Variants in SIPA1L1 observed in about 807,000 individuals in gnomAD.
The protein encoded by SIPA1L1 is signal induced proliferation associated 1 like 1.
Under a neutral mutation model 162.7 loss-of-function variants are expected in SIPA1L1, and 26 were observed. The observed-to-expected ratio is 0.16, with a 90% CI of 0.12 to 0.22. The LOEUF (loss-of-function observed/expected upper bound fraction) is 0.22. Among genes scored for constraint, SIPA1L1 ranks in the 10% least tolerant of loss-of-function variants. The probability of loss-of-function intolerance (pLI) is 1.00; values close to 1 mark genes in which losing one functional copy is unlikely to be tolerated. For synonymous variants in SIPA1L1, 829 were observed against 837.4 expected (o/e 0.99, Z 0.17); for missense variants, 1,874 against 2,241.0 (o/e 0.84, Z 3.31).
Position 71,513,647 on chromosome 14 carries a change from G to A in SIPA1L1, c.-362+802G>A, listed in dbSNP as rs977296928. On this transcript the variant is annotated intron_variant, in intron 3 of 23. Coordinates refer to ENST00000381232, the MANE Select transcript of SIPA1L1 (RefSeq NM_001386936.1). ...GCTGGGACTAAAGGCACGTGCCACC[G>A]TGCCTAGCTAATTTTTAAATTTTTC... 9.2e-5 allele frequency among the ~76,000 whole-genome samples: 14 copies of A among 151,962 alleles called. No homozygotes were observed. In the South Asian group the frequency reaches 2.3e-3, roughly 25 times the overall value.
At chr14:71,519,999 G>A (rs1289964240) in intron 3 of SIPA1L1, among the ~76,000 whole-genome samples, 1 of 152,116 alleles carries the variant, frequency 6.6e-6, no homozygotes, top group Non-Finnish European at 1.5e-5. Context: ...AATCTTAGCG[G>A]CTGAGGACAG....
At chr14:71,368,150 TTTTTTC>T (rs2038529057) in intron 2 of SIPA1L1, among the ~76,000 whole-genome samples, 2 of 149,526 alleles carry the variant, frequency 1.3e-5, no homozygotes, top group Non-Finnish European at 3.0e-5. Context: ...TTCTTTTTTT[TTTTTTC>T]TTTCTTTTTT....
intron 12 of SIPA1L1, among the ~76,000 whole-genome samples, chr14:71,678,018 T>C (rs2045388377): frequency 6.6e-6 from 1 of 152,212 alleles, no homozygotes; most frequent in Admixed American, 6.5e-5. Context: ...TGAAGTTGCT[T>C]ATCAGCTTAA....
At chr14:71,473,732 A>G (rs1323513812) in intron 2 of SIPA1L1, among the ~76,000 whole-genome samples, 1 of 152,184 alleles carries the variant, frequency 6.6e-6, no homozygotes, top group African/African-American at 2.4e-5. Flanking sequence ...CTGAGGAAGG[A>G]TTTGGGTGAT....
chr14:71,358,409 T>C (rs953547804), intron 2 of SIPA1L1, among the ~76,000 whole-genome samples: 6 of 152,224 alleles, frequency 3.9e-5, no homozygotes, highest in Non-Finnish European at 4.4e-5. Context: ...TACATAACTC[T>C]TTTGCTAAAG....
At chr14:71,696,277 C>T (rs890320679) in intron 13 of SIPA1L1, among the ~76,000 whole-genome samples, 7 of 152,198 alleles carry the variant, frequency 4.6e-5, no homozygotes, top group Admixed American at 1.3e-4. Context: ...CTTCTCACCA[C>T]ATTTCCCGAA....
At position 71,671,404 on chromosome 14, in the gene SIPA1L1, A is replaced by G. The variant is rs1320204942; in HGVS notation, c.2541A>G (p.Pro847=). Residue 847 remains proline, a synonymous_variant, in exon 11 of 24, where the codon CCA becomes CCG. Coordinates refer to ENST00000381232, the MANE Select transcript of SIPA1L1 (RefSeq NM_001386936.1). ...CCAAGAAGAAGGAAAAGTCTAAGCC[A>G]TATCCAGGAGCCGAGCTCAGCAGCA... The part of the protein sequence containing the change: ...LASKKKEKSK[P]YPGAELSSMG... 1.2e-6 allele frequency: 2 copies of G among 1,614,230 alleles called. No individual in the cohort carries two copies. Among genetic ancestry groups the G allele is most frequent in the South Asian group, 1.1e-5 (1 of 91,088 alleles).
At chr14:71,611,040 G>A (rs2038148524) in intron 5 of SIPA1L1, among the ~76,000 whole-genome samples, 1 of 152,172 alleles carries the variant, frequency 6.6e-6, no homozygotes, top group Non-Finnish European at 1.5e-5. Flanking sequence ...CCATTACTCT[G>A]ACCTGCTTTT....
intron 2 of SIPA1L1, among the ~76,000 whole-genome samples, chr14:71,425,344 A>G (rs181657957): frequency 9.8e-4 from 149 of 152,174 alleles, no homozygotes; most frequent in African/African-American, 3.4e-3. Context: ...TAATGTAAAC[A>G]TTTATAGCTG....
chr14:71,423,539 G>C (rs540320453), intron 2 of SIPA1L1, among the ~76,000 whole-genome samples: 3 of 152,118 alleles, frequency 2.0e-5, no homozygotes, highest in Non-Finnish European at 4.4e-5. Context: ...TGCATATGCA[G>C]TTTTCCCAGC....
intron 7 of SIPA1L1, among the ~76,000 whole-genome samples, chr14:71,647,192 A>G (rs571664746): frequency 6.6e-5 from 10 of 152,200 alleles, no homozygotes; most frequent in African/African-American, 2.4e-4. Context: ...AACCAGAGGA[A>G]ACTTGACATT....
chr14:71,690,299 A>G (rs1346004318), intron 13 of SIPA1L1, among the ~76,000 whole-genome samples: 2 of 151,530 alleles, frequency 1.3e-5, no homozygotes, highest in African/African-American at 4.9e-5. Context: ...TCGCAGTGGC[A>G]TTGATCTTAG....
At chr14:71,682,422 A>G (rs2045891155) in intron 12 of SIPA1L1, among the ~76,000 whole-genome samples, 1 of 152,242 alleles carries the variant, frequency 6.6e-6, no homozygotes, top group Admixed American at 6.5e-5. Flanking sequence ...AGAGTTAAGT[A>G]AGAGACCAGG....
chr14:71,453,886 C>T (rs754500982), intron 2 of SIPA1L1, among the ~76,000 whole-genome samples: 1 of 149,478 alleles, frequency 6.7e-6, no homozygotes, highest in East Asian at 2.0e-4. Flanking sequence ...CCCATCTACT[C>T]GGTAGGCTGA....
At chr14:71,544,186 T>G (rs963184076) in intron 4 of SIPA1L1, among the ~76,000 whole-genome samples, 4 of 151,210 alleles carry the variant, frequency 2.6e-5, no homozygotes, top group African/African-American at 4.9e-5. Context: ...CGTGTGTGTA[T>G]ATATACATAT....
intron 2 of SIPA1L1, among the ~76,000 whole-genome samples, chr14:71,402,514 A>T (rs2140067352): frequency 6.6e-6 from 1 of 152,004 alleles, no homozygotes; most frequent in East Asian, 1.9e-4. Context: ...ACACCTGACC[A>T]ATTTTTGTAT....
At chr14:71,383,097 G>A (rs1441703374) in intron 2 of SIPA1L1, among the ~76,000 whole-genome samples, 1 of 152,092 alleles carries the variant, frequency 6.6e-6, no homozygotes, top group Non-Finnish European at 1.5e-5. Context: ...TTGCTACATT[G>A]TCTAGTGAGG....
intron 2 of SIPA1L1, chr14:71,418,047 G>A (rs1469275478): frequency 6.6e-6 from 1 of 152,098 alleles, no homozygotes; most frequent in Non-Finnish European, 1.5e-5. Context: ...TGACTCTTTC[G>A]TATTTACTAA....
At chr14:71,735,621 T>G in intron 22 of SIPA1L1, 1 of 455,324 alleles carries the variant, frequency 2.2e-6, no homozygotes, top group Non-Finnish European at 3.9e-6. Flanking sequence ...CATTATTATT[T>G]AATGTCATAA....
Sources: allele counts gnomAD v4.1 joint callset (sites outside exome capture counted in the v4.1 genomes callset), GRCh38; gene constraint gnomAD v4.1.1; transcripts MANE v1.5; gene names NCBI Gene and HGNC (gene_info 2026-07-23, HGNC 2026-07-21).